The following TTC23 variants were observed in gnomAD, a reference collection of about 807,000 sequenced individuals.
TTC23 encodes tetratricopeptide repeat protein 23.
Under a neutral mutation model 55.1 loss-of-function variants are expected in TTC23, and 58 were observed. The observed-to-expected ratio is 1.05, with a 90% CI of 0.85 to 1.31. The LOEUF is 1.31. Among genes scored for constraint, TTC23 ranks in the 50% most tolerant of loss-of-function variants. TTC23 has a pLI of 0.00. For missense variants in TTC23, 516 were observed against 534.4 expected, an observed-to-expected ratio of 0.97 and a Z score of 0.34; for synonymous variants, 203 against 199.9, an observed-to-expected ratio of 1.02 and a Z score of -0.13.
chr15:99,225,239 T>G (rs1291757958), intron 5 of TTC23, among the ~76,000 whole-genome samples: 5 of 152,148 alleles, frequency 3.3e-5, no homozygotes, highest in Non-Finnish European at 7.4e-5. Flanking sequence ...CAAGGCATGG[T>G]CCAAATATCC....
chr15:99,189,862 T>C (rs1043366979), intron 9 of TTC23, among the ~76,000 whole-genome samples: 4 of 152,110 alleles, frequency 2.6e-5, no homozygotes, highest in Non-Finnish European at 4.4e-5. Context: ...ATGGACAAAA[T>C]GGAATATGAC....
intron 8 of TTC23, among the ~76,000 whole-genome samples, chr15:99,215,517 G>A (rs1446885543): frequency 6.6e-6 from 1 of 152,178 alleles, no homozygotes; most frequent in Non-Finnish European, 1.5e-5. Flanking sequence ...GGCCAAGGTG[G>A]GTGGACTGCT....
intron 12 of TTC23, chr15:99,140,099 A>T (rs2068054209): frequency 5.1e-6 from 1 of 197,376 alleles, no homozygotes; most frequent in African/African-American, 2.4e-5. Context: ...TAAAGTAATT[A>T]AGACAGCATG....
chr15:99,188,281 C>T (rs2074914066), intron 9 of TTC23, among the ~76,000 whole-genome samples: 1 of 151,902 alleles, frequency 6.6e-6, no homozygotes, highest in South Asian at 2.1e-4. Context: ...TATGGAATGT[C>T]TAGAATAGAA....
At chr15:99,144,801 A>T (rs2068638039) in intron 12 of TTC23, 1 of 152,222 alleles carries the variant, frequency 6.6e-6, no homozygotes. Context: ...AATTGCTCTA[A>T]TGCTGAGGAT....
chr15:99,156,337 A>G, intron 11 of TTC23, 40 bp from the exon 12 acceptor site: 1 of 1,607,370 alleles, frequency 6.2e-7, no homozygotes. Context: ...AACAAGCTCA[A>G]AGGCTGATTA....
rs113854220 is a variant in TTC23 at position 99,169,592 on chromosome 15, G to A, written c.865+5458C>T. Among the ~76,000 whole-genome samples, 1,466 of 152,272 alleles carry A rather than the reference G, an allele frequency of 9.6e-3. 34 individuals carry two copies. Among genetic ancestry groups the A allele is most frequent in the African/African-American group, 0.034 (1,392 of 41,544 alleles). On this transcript the variant is annotated intron_variant, in intron 10 of 13. Coordinates refer to ENST00000394132, the MANE Select transcript of TTC23 (RefSeq NM_001288615.3). ...GCATCAGTAACCCAGTGAGCAGGGA[G>A]TGGGGAGGGCCCAGCACTGGGCAAG... is the stretch of plus-strand genomic sequence containing the variant.
intron 2 of TTC23, 80 bp from the exon 3 acceptor site, chr15:99,241,639 T>A (rs1296062952): frequency 6.6e-6 from 1 of 152,352 alleles, no homozygotes; most frequent in Non-Finnish European, 1.5e-5. Context: ...GGAGTCTCAG[T>A]CTTCCAAGTG....
At chr15:99,209,643 G>C (rs898490847) in intron 8 of TTC23, among the ~76,000 whole-genome samples, 1 of 152,198 alleles carries the variant, frequency 6.6e-6, no homozygotes, top group Non-Finnish European at 1.5e-5. Context: ...AGAGGACTAA[G>C]AATGAAAGGA....
chr15:99,231,374 A>C (rs1214675446), intron 4 of TTC23, among the ~76,000 whole-genome samples: 1 of 152,226 alleles, frequency 6.6e-6, no homozygotes, highest in Admixed American at 6.5e-5. Context: ...AGGTGATGAA[A>C]GCTCCATGCA....
chr15:99,217,376 C>G (rs1483916067), intron 8 of TTC23, among the ~76,000 whole-genome samples: 1 of 152,102 alleles, frequency 6.6e-6, no homozygotes, highest in Non-Finnish European at 1.5e-5. Flanking sequence ...TCAGGCTGGT[C>G]TTGAACTCCT....
At chr15:99,139,881 T>C in intron 12 of TTC23, 1 of 621,844 alleles carries the variant, frequency 1.6e-6, no homozygotes, top group Non-Finnish European at 2.4e-6. Context: ...GCTTATGGAC[T>C]ACCCAGGGCT....
intron 11 of TTC23, 80 bp downstream of exon 11, chr15:99,161,660 T>C (rs982912475): frequency 6.6e-7 from 1 of 1,508,284 alleles, no homozygotes; most frequent in Non-Finnish European, 9.0e-7. Context: ...AGATGCTTAA[T>C]GGATGCTTGC....
intron 9 of TTC23, among the ~76,000 whole-genome samples, chr15:99,199,482 G>A (rs542371723): frequency 2.8e-4 from 41 of 145,082 alleles, no homozygotes; most frequent in Non-Finnish European, 5.1e-4. Context: ...GTGTGTGTAC[G>A]TATCCTATTG....
At chr15:99,244,513 T>C (rs1440182137) in intron 2 of TTC23, among the ~76,000 whole-genome samples, 2 of 152,072 alleles carry the variant, frequency 1.3e-5, no homozygotes, top group Non-Finnish European at 2.9e-5. Flanking sequence ...ATAAATAATC[T>C]GAAAATAAAA....
chr15:99,185,156 A>T (rs1596481639), intron 9 of TTC23, among the ~76,000 whole-genome samples: 1 of 152,332 alleles, frequency 6.6e-6, no homozygotes, highest in East Asian at 1.9e-4. Flanking sequence ...GACTAATACA[A>T]CTGCATTCTA....
intron 11 of TTC23, chr15:99,159,702 G>A (rs1356077925): frequency 6.6e-6 from 1 of 152,260 alleles, no homozygotes; most frequent in East Asian, 1.9e-4. Flanking sequence ...GGCCATGTCA[G>A]GATTCTGGTT....
chr15:99,169,830 T>A (rs2072671123), intron 10 of TTC23, among the ~76,000 whole-genome samples: 1 of 152,126 alleles, frequency 6.6e-6, no homozygotes, highest in Non-Finnish European at 1.5e-5. Flanking sequence ...ATCCACTTAG[T>A]CAGCCCCTGC....
intron 3 of TTC23, among the ~76,000 whole-genome samples, chr15:99,239,461 G>C (rs1036450169): frequency 6.6e-6 from 1 of 151,806 alleles, no homozygotes; most frequent in African/African-American, 2.4e-5. Context: ...CTCCAGCCTG[G>C]GTGATAGAGT....
Sources: allele counts gnomAD v4.1 joint callset (sites outside exome capture counted in the v4.1 genomes callset), GRCh38; gene constraint gnomAD v4.1.1; transcripts MANE v1.5; gene names NCBI Gene and HGNC (gene_info 2026-07-23, HGNC 2026-07-21).